Variants in QTMAN observed in about 807,000 individuals in gnomAD.
QTMAN encodes the protein queuosine-tRNA mannosyltransferase.
chr2:144,135,925 A>T, the QTMAN span, among the ~76,000 whole-genome samples: 1 of 152,172 alleles, frequency 6.6e-6, no homozygotes, highest in Non-Finnish European at 1.5e-5. Flanking sequence ...TTAAATGATA[A>T]GATATGTATG....
chr2:144,207,964 C>T, the QTMAN span, among the ~76,000 whole-genome samples: 1 of 152,062 alleles, frequency 6.6e-6, no homozygotes, highest in Non-Finnish European at 1.5e-5. Flanking sequence ...AATCCTCCCA[C>T]CTCAGCCTCC....
At chr2:144,322,212 A>G in the QTMAN span, among the ~76,000 whole-genome samples, 12 of 152,196 alleles carry the variant, frequency 7.9e-5, no homozygotes, top group African/African-American at 2.9e-4. Flanking sequence ...TTCTTTCCTT[A>G]AAGAAAGAGT....
chr2:143,994,808 T>C, the QTMAN span, among the ~76,000 whole-genome samples: 3 of 152,324 alleles, frequency 2.0e-5, no homozygotes, highest in South Asian at 4.1e-4. Context: ...AAAACTGGAC[T>C]GTGGGATAGT....
the QTMAN span, among the ~76,000 whole-genome samples, chr2:144,133,118 T>A: frequency 1.9e-4 from 1 of 5,276 alleles, no homozygotes; most frequent in East Asian, 4.9e-3. Flanking sequence ...TGACTGGTAA[T>A]ATATATATAT....
chr2:144,133,547 GATATAA>G, the QTMAN span, among the ~76,000 whole-genome samples: 14 of 95,640 alleles, frequency 1.5e-4, no homozygotes, highest in African/African-American at 4.3e-4. Flanking sequence ...AAGATATAAA[GATATAA>G]ATATAAATAT....
the QTMAN span, among the ~76,000 whole-genome samples, chr2:144,303,513 C>T: frequency 6.6e-6 from 1 of 152,014 alleles, no homozygotes; most frequent in Non-Finnish European, 1.5e-5. Context: ...AAGTCTAAAG[C>T]ACATAAGTCT....
chr2:143,957,260 G>A, the QTMAN span: 1 of 1,612,860 alleles, frequency 6.2e-7, no homozygotes, highest in African/African-American at 1.3e-5. Context: ...ACAGTACTTG[G>A]AAATAGTCAT....
At chr2:144,206,845 T>C in the QTMAN span, among the ~76,000 whole-genome samples, 2 of 152,168 alleles carry the variant, frequency 1.3e-5, no homozygotes, top group Non-Finnish European at 2.9e-5. Context: ...ATAATCAAAA[T>C]GAAATCAAAC....
the QTMAN span, among the ~76,000 whole-genome samples, chr2:143,972,020 G>A: frequency 6.6e-6 from 1 of 152,062 alleles, no homozygotes; most frequent in Non-Finnish European, 1.5e-5. Context: ...AGCCATTTAA[G>A]TTCTATATCT....
the QTMAN span, among the ~76,000 whole-genome samples, chr2:144,023,954 A>G: frequency 1.3e-5 from 2 of 152,248 alleles, no homozygotes; most frequent in Non-Finnish European, 2.9e-5. Context: ...CTGTCAATAC[A>G]TGCTGTACTT....
At chr2:144,034,733 A>G in the QTMAN span, among the ~76,000 whole-genome samples, 2 of 152,292 alleles carry the variant, frequency 1.3e-5, no homozygotes, top group East Asian at 3.9e-4. Context: ...AATTAAAGTC[A>G]ATGTCAGTTT....
the QTMAN span, among the ~76,000 whole-genome samples, chr2:144,133,116 A>ATATATATATATATAT: frequency 2.4e-5 from 1 of 41,386 alleles, no homozygotes; most frequent in African/African-American, 1.3e-4. Flanking sequence ...AATGACTGGT[A>ATATATATATATATAT]ATATATATAT....
At chr2:144,128,084 G>A in the QTMAN span, 3 of 151,894 alleles carry the variant, frequency 2.0e-5, no homozygotes, top group South Asian at 6.2e-4. Context: ...AGACAAACCT[G>A]GAGGGAGAGC....
chr2:144,328,952 T>C, the QTMAN span, among the ~76,000 whole-genome samples: 2 of 152,072 alleles, frequency 1.3e-5, no homozygotes, highest in African/African-American at 4.8e-5. Context: ...AAAATTTTCC[T>C]CAGTTTTTTT....
chr2:144,325,955 A>G, the QTMAN span, among the ~76,000 whole-genome samples: 1 of 152,198 alleles, frequency 6.6e-6, no homozygotes, highest in African/African-American at 2.4e-5. Flanking sequence ...TTAGACTACT[A>G]AAGAGTTTGA....
At chr2:144,326,378 T>G in the QTMAN span, among the ~76,000 whole-genome samples, 3 of 151,818 alleles carry the variant, frequency 2.0e-5, no homozygotes, top group African/African-American at 4.8e-5. Context: ...ATGAGGTCAG[T>G]AGATTGAGAC....
chr2:144,153,349 TA>T, the QTMAN span, among the ~76,000 whole-genome samples: 2 of 152,200 alleles, frequency 1.3e-5, no homozygotes, highest in African/African-American at 4.8e-5. Context: ...AGTACCACTA[TA>T]AATCACTATT....
chr2:144,168,213 T>C, the QTMAN span, among the ~76,000 whole-genome samples: 1 of 152,206 alleles, frequency 6.6e-6, no homozygotes, highest in Non-Finnish European at 1.5e-5. Context: ...TCAGTCTACT[T>C]ATTTCATCAT....
the QTMAN span, among the ~76,000 whole-genome samples, chr2:144,269,106 T>G: frequency 1.3e-5 from 2 of 152,198 alleles, no homozygotes; most frequent in Non-Finnish European, 2.9e-5. Context: ...TTCCATTTCT[T>G]AAAGCCTATA....
Sources: gnomAD v4.1 joint callset for allele counts (sites outside exome capture counted in the v4.1 genomes callset) on GRCh38, gnomAD v4.1.1 for gene constraint, MANE v1.5 for transcripts, NCBI Gene and HGNC (gene_info 2026-07-23, HGNC 2026-07-21) for gene names.